Variants in WWOX observed in about 807,000 individuals in gnomAD.
The protein encoded by WWOX is WW domain-containing oxidoreductase.
In WWOX, 69 loss-of-function variants were observed where a neutral mutation model predicts 46.2. The ratio of observed to expected loss-of-function variants is 1.49; its 90% CI spans 1.23 to 1.82. WWOX has a LOEUF of 1.82. Ranked by LOEUF, WWOX falls within the 40% of genes most tolerant of loss-of-function variation. The probability of loss-of-function intolerance (pLI) is 0.00; values close to 1 mark genes in which losing one functional copy is unlikely to be tolerated. For synonymous variants in WWOX, 359 were observed against 202.6 expected (o/e 1.77, Z -6.56); for missense variants, 919 against 542.6 (o/e 1.69, Z -6.89).
At chr16:79,037,737 T>C (rs2047895312) in intron 8 of WWOX, among the ~76,000 whole-genome samples, 1 of 152,138 alleles carries the variant, frequency 6.6e-6, no homozygotes, top group Non-Finnish European at 1.5e-5. Flanking sequence ...GTTGGTTTTG[T>C]TTGCATTTCT....
At chr16:78,572,242 G>A (rs2044733609) in intron 8 of WWOX, among the ~76,000 whole-genome samples, 1 of 152,124 alleles carries the variant, frequency 6.6e-6, no homozygotes, top group Non-Finnish European at 1.5e-5. Context: ...AGTGATAATG[G>A]GTGGATACCA....
chr16:78,788,693 G>T (rs1204580718), intron 8 of WWOX, among the ~76,000 whole-genome samples: 2 of 152,204 alleles, frequency 1.3e-5, no homozygotes, highest in Admixed American at 1.3e-4. Flanking sequence ...GTTTTCCTGA[G>T]TTCTGTCATC....
chr16:78,495,154 T>TTTTGTTTG (rs1555549450), intron 8 of WWOX, among the ~76,000 whole-genome samples: 2 of 146,184 alleles, frequency 1.4e-5, no homozygotes, highest in African/African-American at 4.9e-5. Context: ...TCTTTTTTTT[T>TTTTGTTTG]TTTTTGAGAT....
At chr16:78,471,264 A>G (rs17705783) in intron 8 of WWOX, among the ~76,000 whole-genome samples, 6,914 of 152,292 alleles carry the variant, frequency 0.045, 224 homozygotes, top group Non-Finnish European at 0.066. Context: ...TTGAGCTGCT[A>G]ATAAACATTC....
At chr16:78,614,668 G>A (rs1007110053) in intron 8 of WWOX, among the ~76,000 whole-genome samples, 1 of 152,204 alleles carries the variant, frequency 6.6e-6, no homozygotes, top group East Asian at 1.9e-4. Context: ...CCAGTTACAG[G>A]GCCTCGCCTT....
intron 5 of WWOX, among the ~76,000 whole-genome samples, chr16:78,255,983 C>G (rs11644333): frequency 0.038 from 5,793 of 151,778 alleles, 318 homozygotes; most frequent in East Asian, 0.23. Flanking sequence ...AACCCCATCT[C>G]TATTAAAAAT....
intron 1 of WWOX, among the ~76,000 whole-genome samples, chr16:78,107,832 T>G (rs1030685597): frequency 6.6e-6 from 1 of 152,084 alleles, no homozygotes; most frequent in African/African-American, 2.4e-5. Flanking sequence ...TAAATAAACA[T>G]TTTAAGAGAT....
At chr16:78,867,733 A>G (rs1240954906) in intron 8 of WWOX, among the ~76,000 whole-genome samples, 2 of 152,022 alleles carry the variant, frequency 1.3e-5, no homozygotes, top group African/African-American at 4.8e-5. Context: ...AAAGTCCTAC[A>G]ACTGGTGAGC....
intron 8 of WWOX, among the ~76,000 whole-genome samples, chr16:78,703,516 G>C (rs2048268782): frequency 1.3e-5 from 2 of 152,032 alleles, no homozygotes; most frequent in African/African-American, 4.8e-5. Context: ...CTCAGAGGGA[G>C]GCTGAAGCAG....
intron 8 of WWOX, among the ~76,000 whole-genome samples, chr16:79,026,736 G>A (rs1055797482): frequency 6.8e-6 from 1 of 146,538 alleles, no homozygotes; most frequent in Non-Finnish European, 1.5e-5. Context: ...TCCTGCCTCA[G>A]CGTCCCAAGT....
At chr16:78,792,142 T>G (rs1240732108) in intron 8 of WWOX, among the ~76,000 whole-genome samples, 1 of 152,112 alleles carries the variant, frequency 6.6e-6, no homozygotes, top group East Asian at 1.9e-4. Context: ...AAACCACCAT[T>G]AGACCTCAGT....
At chr16:79,011,794 C>T (rs1210285339) in intron 8 of WWOX, among the ~76,000 whole-genome samples, 2 of 151,824 alleles carry the variant, frequency 1.3e-5, no homozygotes, top group Non-Finnish European at 2.9e-5. Context: ...TGCCCGGCCC[C>T]CTTTTTTAAA....
chr16:78,362,432 A>G (rs1342753764), intron 5 of WWOX, among the ~76,000 whole-genome samples: 4 of 152,182 alleles, frequency 2.6e-5, no homozygotes, highest in Non-Finnish European at 5.9e-5. Flanking sequence ...CAACATGGTG[A>G]AACCCTATCC....
chr16:79,137,663 T>C (rs1003414021), intron 8 of WWOX, among the ~76,000 whole-genome samples: 3 of 152,154 alleles, frequency 2.0e-5, no homozygotes, highest in African/African-American at 7.2e-5. Context: ...AGAAATGGGC[T>C]GCTTCTCTTT....
chr16:78,463,784 T>C (rs1432724552), intron 8 of WWOX, among the ~76,000 whole-genome samples: 2 of 152,228 alleles, frequency 1.3e-5, no homozygotes, highest in Admixed American at 6.5e-5. Context: ...TTAGGGTTTA[T>C]GATCAAGTAA....
chr16:78,585,667 T>C (rs2045179983), intron 8 of WWOX, among the ~76,000 whole-genome samples: 1 of 150,626 alleles, frequency 6.6e-6, no homozygotes, highest in Non-Finnish European at 1.5e-5. Context: ...TCTTTTGTTT[T>C]GTTTTGGGTT....
At chr16:78,759,537 C>T (rs539262401) in intron 8 of WWOX, among the ~76,000 whole-genome samples, 59 of 152,196 alleles carry the variant, frequency 3.9e-4, no homozygotes, top group South Asian at 1.0e-3. Flanking sequence ...GCCCATATCT[C>T]GGGCACAAAC....
intron 5 of WWOX, among the ~76,000 whole-genome samples, chr16:78,191,717 G>T (rs1316096828): frequency 6.6e-6 from 1 of 152,128 alleles, no homozygotes; most frequent in Non-Finnish European, 1.5e-5. Context: ...TTGATCCTCG[G>T]AAGAGATTCT....
At chr16:78,591,278 C>G (rs1030552617) in intron 8 of WWOX, among the ~76,000 whole-genome samples, 3 of 152,168 alleles carry the variant, frequency 2.0e-5, no homozygotes, top group African/African-American at 7.2e-5. Flanking sequence ...CCCAAAGCCC[C>G]TCAACACACT....
Sources: allele counts gnomAD v4.1 joint callset (sites outside exome capture counted in the v4.1 genomes callset), GRCh38; gene constraint gnomAD v4.1.1; transcripts MANE v1.5; gene names NCBI Gene and HGNC (gene_info 2026-07-23, HGNC 2026-07-21).